Variants in FGF13 observed in about 807,000 individuals in gnomAD.
FGF13 encodes the protein fibroblast growth factor 13, also known as fibroblast growth factor homologous factor 2.
Under a neutral mutation model 19.5 loss-of-function variants are expected in FGF13, and 2 were observed. The ratio of observed to expected loss-of-function variants is 0.10; its 90% confidence interval spans 0.04 to 0.32. The LOEUF is 0.32. Among genes scored for constraint, FGF13 ranks in the 10% least tolerant of loss-of-function variants. The pLI is 1.00. For missense variants in FGF13, 113 were observed against 192.7 expected (o/e 0.59, Z 2.45); for synonymous variants, 72 against 76.9 (o/e 0.94, Z 0.33).
chrX:138,731,072 G>A (rs187989708), intron 1 of FGF13, among the ~76,000 whole-genome samples: 1 of 111,143 alleles, frequency 9.0e-6, no homozygotes, highest in Non-Finnish European at 1.9e-5. Flanking sequence ...CATATTTGAA[G>A]CAAAAAATTG....
rs181317468 is a variant in FGF13 at position 138,675,232 on chromosome X, A to G, written c.402+27752T>C. ...TGTTTCTCATGCCATTTTCTTCCCA[A>G]TGAAGCAAGCTAGACTTTGTACGAT... On this transcript the variant is annotated intron_variant, in intron 3 of 4. Transcript: ENST00000315930. Among the ~76,000 whole-genome samples, 50 of 112,261 alleles carry G rather than the reference A, an allele frequency of 4.5e-4. No homozygotes were observed. In the Admixed American group the frequency reaches 4.7e-3, roughly 11 times the overall value.
intron 2 of FGF13, among the ~76,000 whole-genome samples, chrX:138,859,176 C>T (rs1248723546): frequency 2.7e-5 from 3 of 112,300 alleles, no homozygotes; most frequent in African/African-American, 9.7e-5. Context: ...GTTGAATGCA[C>T]ATCTTTGCTA....
intron 1 of FGF13, among the ~76,000 whole-genome samples, chrX:139,080,416 T>C (rs1036361282): frequency 3.2e-4 from 36 of 112,015 alleles, no homozygotes; most frequent in African/African-American, 1.1e-3. Flanking sequence ...TGTTATAAAA[T>C]AAGAGAAGGC....
downstream of FGF13, among the ~76,000 whole-genome samples, chrX:138,856,195 G>A (rs1403328005): frequency 9.0e-6 from 1 of 111,032 alleles, no homozygotes; most frequent in South Asian, 3.8e-4. Flanking sequence ...TGTGGAAGTC[G>A]GTGGTCACAC....
intron 3 of FGF13, among the ~76,000 whole-genome samples, chrX:138,819,106 T>C (rs766825593): frequency 6.0e-4 from 67 of 111,304 alleles, no homozygotes; most frequent in African/African-American, 2.1e-3. Flanking sequence ...TCAGAAAATC[T>C]TACAGTTTGT....
downstream of FGF13, among the ~76,000 whole-genome samples, chrX:138,857,217 G>A (rs73241079): frequency 0.038 from 4,290 of 112,124 alleles, 85 homozygotes; most frequent in Non-Finnish European, 0.06. Flanking sequence ...CCAGATGTTG[G>A]CTACAGAAGC....
At position 138,619,503 on chromosome X, in the gene FGF13, G is replaced by T. The variant is rs995970947; in HGVS notation, c.*13347C>A. The T allele has an allele frequency of 1.8e-5, 2 of 110,847 alleles. No homozygotes were observed. Among genetic ancestry groups the T allele is most frequent in the Non-Finnish European group, 3.8e-5 (2 of 52,917 alleles). 9.1% of individuals were successfully genotyped at this position (110,847 alleles called of 1,213,427 possible). On this transcript the variant is annotated 3_prime_UTR_variant, in exon 5 of 5. Transcript: ENST00000315930. The stretch of plus-strand genomic sequence containing the variant: ...ACTTCAAGTATAATATAAAAAGAAA[G>T]AAAGACAGAAACTATCACAGTGAAC...
chrX:138,673,871 A>G (rs2089638903), intron 3 of FGF13, among the ~76,000 whole-genome samples: 1 of 111,166 alleles, frequency 9.0e-6, no homozygotes, highest in Non-Finnish European at 1.9e-5. Context: ...TAACAAAGAA[A>G]AAGACAGAAT....
intron 1 of FGF13, among the ~76,000 whole-genome samples, chrX:139,159,655 C>CGAAAAAAA (rs2084011348): frequency 1.9e-5 from 1 of 51,670 alleles, no homozygotes; most frequent in Non-Finnish European, 3.4e-5. Flanking sequence ...AAAGAGAAAG[C>CGAAAAAAA]AAAAAAAAAA....
At chrX:138,911,341 C>G (rs1374367882) in intron 1 of FGF13, among the ~76,000 whole-genome samples, 2 of 110,460 alleles carry the variant, frequency 1.8e-5, no homozygotes, top group Non-Finnish European at 3.8e-5. Flanking sequence ...AGGCCATCAT[C>G]CCTAGCAAAC....
chrX:138,988,603 T>C (rs1409840996), intron 1 of FGF13, among the ~76,000 whole-genome samples: 3 of 112,306 alleles, frequency 2.7e-5, no homozygotes, highest in Non-Finnish European at 5.6e-5. Flanking sequence ...AGAGGGAGTA[T>C]GCAGGCATTA....
chrX:138,967,154 T>A (rs769363093), intron 1 of FGF13, among the ~76,000 whole-genome samples: 14 of 108,567 alleles, frequency 1.3e-4, no homozygotes, highest in Non-Finnish European at 2.5e-4. Flanking sequence ...CCCCCAAAAT[T>A]GTTAAATATT....
At chrX:139,120,017 C>T (rs997414113) in intron 1 of FGF13, among the ~76,000 whole-genome samples, 5 of 111,696 alleles carry the variant, frequency 4.5e-5, no homozygotes, top group Admixed American at 9.5e-5. Flanking sequence ...TCCCCCATGC[C>T]GTTCTCATGA....
chrX:138,691,787 C>G (rs1039223775), intron 3 of FGF13, among the ~76,000 whole-genome samples: 2 of 111,913 alleles, frequency 1.8e-5, no homozygotes, highest in African/African-American at 6.5e-5. Context: ...CACAGTAGTT[C>G]TATTTCCAGA....
rs147110311 is a variant in FGF13, at chrX:138,766,995, G to T, written c.218-58067C>A. 9.8e-5 allele frequency among the ~76,000 whole-genome samples: 11 copies of T among 111,909 alleles called. No individual in the cohort carries two copies. The East Asian group carries it at 3.1e-3, about 32-fold the overall frequency. ...TGGTTGTAGGTGAGGTTCCAAGGCC[G>T]GGAAAGCTCACCAGAGCATCCATGC... On this transcript the variant is annotated intron_variant, in intron 3 of 6. Transcript: ENST00000436198.
intron 3 of FGF13, among the ~76,000 whole-genome samples, chrX:138,801,855 G>A (rs1321436899): frequency 8.9e-6 from 1 of 112,016 alleles, no homozygotes; most frequent in Non-Finnish European, 1.9e-5. Flanking sequence ...CACCCAGTCC[G>A]AACTTCCCAG....
chrX:138,965,990 G>A (rs2091893178), intron 1 of FGF13, among the ~76,000 whole-genome samples: 1 of 112,383 alleles, frequency 8.9e-6, no homozygotes, highest in Admixed American at 9.4e-5. Context: ...ATGCCCCTGT[G>A]ATCGTTAATA....
chrX:138,790,780 A>G (rs1368677717), intron 3 of FGF13, among the ~76,000 whole-genome samples: 1 of 112,061 alleles, frequency 8.9e-6, no homozygotes, highest in Non-Finnish European at 1.9e-5. Context: ...CTTCCTCTGT[A>G]CTTTCAAAGC....
intron 1 of FGF13, among the ~76,000 whole-genome samples, chrX:138,985,369 A>G (rs986140760): frequency 3.6e-5 from 4 of 112,240 alleles, no homozygotes; most frequent in Non-Finnish European, 7.5e-5. Flanking sequence ...GATTCAAGTC[A>G]GCTGTCTCTA....
Sources: allele counts gnomAD v4.1 joint callset (sites outside exome capture counted in the v4.1 genomes callset), GRCh38; gene constraint gnomAD v4.1.1; transcripts MANE v1.5; gene names NCBI Gene and HGNC (gene_info 2026-07-23, HGNC 2026-07-21).